ETV6: variants seen among roughly 807,000 people sequenced by gnomAD.
ETV6 encodes transcription factor ETV6.
A neutral mutation model predicts 51.1 loss-of-function variants in ETV6; 16 were observed. The observed-to-expected ratio is 0.31, with a 90% CI of 0.21 to 0.48. The LOEUF (loss-of-function observed/expected upper bound fraction) is 0.48, where lower values mean the gene tolerates loss of function less well. ETV6 is among the 20% of genes least tolerant of loss of function. The probability of loss-of-function intolerance (pLI) is 0.99; values close to 1 mark genes in which losing one functional copy is unlikely to be tolerated. For synonymous variants in ETV6, 240 were observed against 224.1 expected, an observed-to-expected ratio of 1.07 and a Z score of -0.64; for missense variants, 458 against 594.8, an observed-to-expected ratio of 0.77 and a Z score of 2.39.
intron 1 of ETV6, among the ~76,000 whole-genome samples, chr12:11,708,839 C>G (rs1042970822): frequency 2.6e-5 from 4 of 152,216 alleles, no homozygotes; most frequent in African/African-American, 9.7e-5. Context: ...TACTCAGACA[C>G]TCACTCAGAC....
At chr12:11,811,927 C>G (rs1287110438) in intron 2 of ETV6, among the ~76,000 whole-genome samples, 1 of 152,154 alleles carries the variant, frequency 6.6e-6, no homozygotes, top group Non-Finnish European at 1.5e-5. Flanking sequence ...GGGCAGAGAA[C>G]TGGAAAGCTG....
rs967828949 is a variant in ETV6 at position 11,701,069 on chromosome 12, G to GT, written c.33+50921dup. Among the ~76,000 whole-genome samples, 700 of 141,928 alleles carry GT rather than the reference G, an allele frequency of 4.9e-3. 2 individuals are homozygous for GT. Among genetic ancestry groups the GT allele is most frequent in the East Asian group, 0.012 (57 of 4,874 alleles). 93.1% of individuals were successfully genotyped at this position (141,928 alleles called of 152,430 possible). A position where few individuals can be genotyped will look rare whatever the true frequency, so the allele number is the denominator to read the frequency against. Reference sequence around the variant, plus strand: ...GTATCACTGTCCTTTATGTCCCTATGTTTTTTTTTTTTACTTTTTTTTGCC... The same window carrying GT: ...GTATCACTGTCCTTTATGTCCCTATGTTTTTTTTTTTTTACTTTTTTTTGCC... On this transcript the variant is annotated intron_variant, in intron 1 of 7. Transcript: ENST00000396373.
At chr12:11,674,014 G>T (rs937752343) in intron 1 of ETV6, among the ~76,000 whole-genome samples, 4 of 152,172 alleles carry the variant, frequency 2.6e-5, no homozygotes, top group African/African-American at 9.7e-5. Context: ...TATTCAGAAA[G>T]AATGACCTCC....
chr12:11,891,067 A>C lies in ETV6; in HGVS notation c.*21A>C. 4.4e-6 allele frequency: 7 copies of C among 1,588,302 alleles called. No individual in the cohort carries two copies. The highest frequency in any genetic ancestry group is 6.0e-6 in the Non-Finnish European group (7 of 1,157,262). On this transcript the variant is annotated 3_prime_UTR_variant, in exon 8 of 8. Transcript: ENST00000396373. The stretch of plus-strand genomic sequence containing the variant: ...GCTGAAGGAACCAACAGTCCACCTC[A>C]GCGGGCCAGCAGCCCAGGGAACCCC...
At chr12:11,856,010 A>AT (rs1271242143) in intron 4 of ETV6, among the ~76,000 whole-genome samples, 5 of 151,622 alleles carry the variant, frequency 3.3e-5, no homozygotes, top group Admixed American at 1.3e-4. Context: ...TTCTCTCATT[A>AT]TTTTTTTTGT....
At chr12:11,849,450 C>T (rs1295516487) in intron 3 of ETV6, among the ~76,000 whole-genome samples, 2 of 152,240 alleles carry the variant, frequency 1.3e-5, no homozygotes, top group South Asian at 4.2e-4. Context: ...ATGTGATCTC[C>T]TCCATATATG....
At chr12:11,686,418 T>TCTTTCACGAG (rs1231753502) in intron 1 of ETV6, among the ~76,000 whole-genome samples, 1 of 152,240 alleles carries the variant, frequency 6.6e-6, no homozygotes, top group Non-Finnish European at 1.5e-5. Context: ...CACTGTTCTG[T>TCTTTCACGAG]CTTTCATGAG....
chr12:11,859,538 A>G (rs544616144), intron 4 of ETV6, among the ~76,000 whole-genome samples: 11 of 152,166 alleles, frequency 7.2e-5, no homozygotes, highest in Non-Finnish European at 1.0e-4. Context: ...GAATCATTTA[A>G]TCCTCACCAC....
At chr12:11,672,326 A>T (rs564308287) in intron 1 of ETV6, among the ~76,000 whole-genome samples, 1 of 152,332 alleles carries the variant, frequency 6.6e-6, no homozygotes, top group South Asian at 2.1e-4. Flanking sequence ...AGCTCAAAGC[A>T]TTTCATCCTC....
At chr12:11,715,170 C>T (rs550529062) in intron 1 of ETV6, among the ~76,000 whole-genome samples, 116 of 152,208 alleles carry the variant, frequency 7.6e-4, no homozygotes, top group African/African-American at 2.6e-3. Flanking sequence ...CACTGAAAAC[C>T]ACGATATTAC....
chr12:11,859,334 G>C (rs1339369797), intron 4 of ETV6, among the ~76,000 whole-genome samples: 2 of 151,412 alleles, frequency 1.3e-5, no homozygotes, highest in Non-Finnish European at 2.9e-5. Context: ...GTAGAGACAG[G>C]GTTTCGCCGT....
intron 2 of ETV6, among the ~76,000 whole-genome samples, chr12:11,790,442 C>T (rs1945565401): frequency 6.6e-6 from 1 of 152,036 alleles, no homozygotes; most frequent in South Asian, 2.1e-4. Flanking sequence ...CTTGGGATGC[C>T]ATTGGGTAAA....
chr12:11,812,281 C>T (rs893301649), intron 2 of ETV6, among the ~76,000 whole-genome samples: 2 of 152,196 alleles, frequency 1.3e-5, no homozygotes, highest in Admixed American at 1.3e-4. Context: ...GAGGCCCCTT[C>T]CGCCTCTAAT....
chr12:11,772,890 A>C (rs1299772769), intron 2 of ETV6, among the ~76,000 whole-genome samples: 1 of 152,140 alleles, frequency 6.6e-6, no homozygotes, highest in Non-Finnish European at 1.5e-5. Flanking sequence ...GTCCAAGATC[A>C]GGATTGAAGT....
chr12:11,822,975 A>C lies in ETV6; in HGVS notation c.164-16165A>C, dbSNP rs74060863. ...AGCCATTTTTAAAAATTATCAGTAC[A>C]TGACAGCATCCTCCGACGAGACTGG... On this transcript the variant is annotated intron_variant, in intron 2 of 7. Coordinates refer to ENST00000396373, the MANE Select transcript of ETV6 (RefSeq NM_001987.5). Among the ~76,000 whole-genome samples, 1,241 of 152,300 alleles carry C rather than the reference A, an allele frequency of 8.1e-3. 19 individuals are homozygous for C. Among genetic ancestry groups the C allele is most frequent in the African/African-American group, 0.029 (1,192 of 41,568 alleles).
chr12:11,651,695 T>C (rs986042633), intron 1 of ETV6, among the ~76,000 whole-genome samples: 5 of 152,230 alleles, frequency 3.3e-5, no homozygotes, highest in African/African-American at 1.2e-4. Flanking sequence ...TCCTGCGGTA[T>C]AGATAATCTA....
intron 7 of ETV6, among the ~76,000 whole-genome samples, chr12:11,889,199 T>C (rs1947251039): frequency 6.6e-6 from 1 of 152,014 alleles, no homozygotes; most frequent in Non-Finnish European, 1.5e-5. Flanking sequence ...GAAATTTTAG[T>C]TAGGGGATAA....
intron 3 of ETV6, among the ~76,000 whole-genome samples, chr12:11,851,007 C>T (rs900918552): frequency 2.6e-5 from 4 of 152,118 alleles, no homozygotes; most frequent in Admixed American, 6.5e-5. Flanking sequence ...TGCTGGAGGT[C>T]GGTGTTATTA....
At chr12:11,683,084 C>A (rs767007940) in intron 1 of ETV6, among the ~76,000 whole-genome samples, 1 of 152,200 alleles carries the variant, frequency 6.6e-6, no homozygotes, top group Non-Finnish European at 1.5e-5. Flanking sequence ...GAGATGGAAT[C>A]GCTCTCTCGC....
Sources: allele counts gnomAD v4.1 joint callset (sites outside exome capture counted in the v4.1 genomes callset), GRCh38; gene constraint gnomAD v4.1.1; transcripts MANE v1.5; gene names NCBI Gene and HGNC (gene_info 2026-07-23, HGNC 2026-07-21).